The following RTL4 variants were observed in gnomAD, a reference collection of about 807,000 sequenced individuals.
The protein encoded by RTL4 is retrotransposon Gag like 4, also known as retrotransposon Gag-like protein 4.
Under a neutral mutation model 5.3 loss-of-function variants are expected in RTL4, and 4 were observed. That is an observed-to-expected ratio of 0.75 (90% CI 0.37 to 1.72). The LOEUF is 1.72. RTL4 is among the 40% of genes most tolerant of loss of function. The pLI is 0.04. For missense variants in RTL4, 260 were observed against 227.1 expected (o/e 1.14, Z -0.93); for synonymous variants, 98 against 87.3 (o/e 1.12, Z -0.68).
At chrX:112,196,481 G>A in the RTL4 span, among the ~76,000 whole-genome samples, 8 of 111,640 alleles carry the variant, frequency 7.2e-5, no homozygotes, top group African/African-American at 2.6e-4. Context: ...ATTACTCTCT[G>A]TTTCTCTGGG....
the RTL4 span, among the ~76,000 whole-genome samples, chrX:112,084,605 T>C: frequency 9.0e-6 from 1 of 111,146 alleles, no homozygotes; most frequent in Non-Finnish European, 1.9e-5. Flanking sequence ...GGGAGGTCTA[T>C]GTTGTGATTA....
At chrX:112,303,122 G>A in the RTL4 span, among the ~76,000 whole-genome samples, 3 of 111,273 alleles carry the variant, frequency 2.7e-5, no homozygotes, top group Middle Eastern at 4.7e-3. Flanking sequence ...TATCAACCGT[G>A]GTCCACGTAG....
chrX:112,226,783 C>T, the RTL4 span, among the ~76,000 whole-genome samples: 2 of 107,549 alleles, frequency 1.9e-5, no homozygotes, highest in Non-Finnish European at 3.8e-5. Context: ...ATCAAAGGTA[C>T]AGCCTAGCCA....
At chrX:112,158,393 C>T in the RTL4 span, among the ~76,000 whole-genome samples, 1 of 109,760 alleles carries the variant, frequency 9.1e-6, no homozygotes, top group Non-Finnish European at 1.9e-5. Flanking sequence ...CACTGAGAGA[C>T]GACTGCTATC....
At chrX:112,236,954 G>A in the RTL4 span, among the ~76,000 whole-genome samples, 1 of 111,522 alleles carries the variant, frequency 9.0e-6, no homozygotes. Flanking sequence ...AGAAGGCAAT[G>A]TGATGACAGA....
chrX:112,278,748 G>C, the RTL4 span, among the ~76,000 whole-genome samples: 3 of 110,877 alleles, frequency 2.7e-5, no homozygotes, highest in Non-Finnish European at 3.8e-5. Flanking sequence ...TAACTTGAAA[G>C]ACAGATCAAA....
chrX:112,097,382 C>G, the RTL4 span, among the ~76,000 whole-genome samples: 2 of 111,203 alleles, frequency 1.8e-5, no homozygotes, highest in Non-Finnish European at 3.8e-5. Context: ...AAGCCTGTAA[C>G]CTGAGCACTT....
chrX:112,289,089 T>G, the RTL4 span, among the ~76,000 whole-genome samples: 1 of 111,859 alleles, frequency 8.9e-6, no homozygotes, highest in Non-Finnish European at 1.9e-5. Flanking sequence ...TTCTCCTTAT[T>G]GTGTCTCTTA....
chrX:112,417,294 A>G, the RTL4 span, among the ~76,000 whole-genome samples: 1 of 111,942 alleles, frequency 8.9e-6, no homozygotes, highest in South Asian at 3.8e-4. Context: ...CCATGTTCTT[A>G]TATTGTGGCA....
At chrX:112,175,013 C>T in the RTL4 span, among the ~76,000 whole-genome samples, 1 of 84,638 alleles carries the variant, frequency 1.2e-5, no homozygotes, top group African/African-American at 4.1e-5. Flanking sequence ...CAAAAATTTT[C>T]TCCCATTTTG....
At chrX:112,220,907 C>T in the RTL4 span, among the ~76,000 whole-genome samples, 9,678 of 111,750 alleles carry the variant, frequency 0.087, 1,015 homozygotes, top group African/African-American at 0.3. Flanking sequence ...CCCCCATCTT[C>T]CAGTCTTCTT....
the RTL4 span, among the ~76,000 whole-genome samples, chrX:112,115,092 G>GA: frequency 9.0e-6 from 1 of 110,795 alleles, no homozygotes; most frequent in East Asian, 2.9e-4. Flanking sequence ...CCATCTGAAA[G>GA]AAAAAACTGC....
At chrX:112,198,464 C>T in the RTL4 span, among the ~76,000 whole-genome samples, 1 of 111,721 alleles carries the variant, frequency 9.0e-6, no homozygotes, top group Non-Finnish European at 1.9e-5. Flanking sequence ...CTGGTCCTGA[C>T]TTTGCCACTA....
chrX:112,160,707 G>A, the RTL4 span, among the ~76,000 whole-genome samples: 1 of 111,153 alleles, frequency 9.0e-6, no homozygotes, highest in African/African-American at 3.3e-5. Context: ...GACTGGACAA[G>A]TTTGTTACTG....
the RTL4 span, among the ~76,000 whole-genome samples, chrX:112,292,942 A>C: frequency 8.9e-6 from 1 of 112,014 alleles, no homozygotes; most frequent in Non-Finnish European, 1.9e-5. Flanking sequence ...CTAACTTCCC[A>C]AGAACATATC....
the RTL4 span, among the ~76,000 whole-genome samples, chrX:112,299,985 C>T: frequency 9.0e-6 from 1 of 111,014 alleles, no homozygotes; most frequent in Non-Finnish European, 1.9e-5. Context: ...AAAACCTCTC[C>T]CTGTCCATTG....
At chrX:112,243,922 C>T in the RTL4 span, among the ~76,000 whole-genome samples, 1 of 111,803 alleles carries the variant, frequency 8.9e-6, no homozygotes. Context: ...TTTCAAAGAA[C>T]ATCTTTATTT....
upstream of RTL4, among the ~76,000 whole-genome samples, chrX:112,452,300 A>C (rs1926754337): frequency 1.1e-5 from 1 of 87,323 alleles, no homozygotes; most frequent in East Asian, 3.5e-4. Context: ...ATGAGGTTTC[A>C]CCATGTTAGC....
chrX:112,304,553 G>C, the RTL4 span, among the ~76,000 whole-genome samples: 1 of 110,067 alleles, frequency 9.1e-6, no homozygotes, highest in Non-Finnish European at 1.9e-5. Flanking sequence ...TATTTCCTGG[G>C]GGATGTCATC....
Sources: allele counts gnomAD v4.1 joint callset (sites outside exome capture counted in the v4.1 genomes callset), GRCh38; gene constraint gnomAD v4.1.1; transcripts MANE v1.5; gene names NCBI Gene and HGNC (gene_info 2026-07-23, HGNC 2026-07-21).